Variants in EFNA5 observed in about 807,000 individuals in gnomAD.
EFNA5 encodes the protein ephrin-A5.
In EFNA5, 5 loss-of-function variants were observed where a neutral mutation model predicts 22.9. The observed-to-expected ratio is 0.22, with a 90% confidence interval of 0.11 to 0.46. The LOEUF (loss-of-function observed/expected upper bound fraction) is 0.46. Ranked by LOEUF, EFNA5 falls within the 20% of genes least tolerant of loss-of-function variation. The pLI, the probability that EFNA5 is intolerant of heterozygous loss-of-function variation, is 0.99. For synonymous variants in EFNA5, 113 were observed against 112.2 expected, an observed-to-expected ratio of 1.01 and a Z score of -0.04; for missense variants, 237 against 293.3, an observed-to-expected ratio of 0.81 and a Z score of 1.40.
chr5:107,506,728 C>T (rs1747260366), intron 1 of EFNA5, among the ~76,000 whole-genome samples: 1 of 152,160 alleles, frequency 6.6e-6, no homozygotes, highest in Admixed American at 6.5e-5. Context: ...GCAGGAAAAA[C>T]AGTTTTGGCT....
chr5:107,592,541 T>C (rs1749396296), intron 1 of EFNA5, among the ~76,000 whole-genome samples: 1 of 152,184 alleles, frequency 6.6e-6, no homozygotes, highest in African/African-American at 2.4e-5. Flanking sequence ...ACTTAAAAAC[T>C]GGTCTCGATG....
chr5:107,600,626 A>T (rs939435551), intron 1 of EFNA5, among the ~76,000 whole-genome samples: 1 of 151,988 alleles, frequency 6.6e-6, no homozygotes, highest in Non-Finnish European at 1.5e-5. Flanking sequence ...AGCTGGGATT[A>T]CAGGCATGCA....
intron 1 of EFNA5, among the ~76,000 whole-genome samples, chr5:107,565,693 G>T (rs538602668): frequency 2.0e-5 from 3 of 152,090 alleles, no homozygotes; most frequent in South Asian, 2.1e-4. Flanking sequence ...ACAAAAGCCT[G>T]CAAGAAAACT....
Position 107,660,613 on chromosome 5 carries a change from G to T in EFNA5, c.125+9876C>A, listed in dbSNP as rs1263976115. 4.6e-5 allele frequency among the ~76,000 whole-genome samples: 7 copies of T among 151,596 alleles called. No homozygotes were observed. The South Asian group carries it at 8.3e-4, about 18-fold the overall frequency. On this transcript the variant is annotated intron_variant, in intron 1 of 4. Coordinates refer to ENST00000333274, the MANE Select transcript of EFNA5 (RefSeq NM_001962.3). Reference sequence around the variant, plus strand: ...CATTTCAAATTTTGTTTTTTGCCTGGCTTTTCACAGACTTTAAAAAAATTA... The same window carrying T: ...CATTTCAAATTTTGTTTTTTGCCTGTCTTTTCACAGACTTTAAAAAAATTA...
chr5:107,407,230 T>C (rs902478619), intron 2 of EFNA5, among the ~76,000 whole-genome samples: 25 of 152,200 alleles, frequency 1.6e-4, no homozygotes, highest in Admixed American at 6.5e-5. Flanking sequence ...TGACCTTTTT[T>C]GCAGTAATGC....
At chr5:107,667,399 C>T (rs1388402134) in intron 1 of EFNA5, among the ~76,000 whole-genome samples, 1 of 148,690 alleles carries the variant, frequency 6.7e-6, no homozygotes, top group Non-Finnish European at 1.5e-5. Flanking sequence ...AATATTTTTT[C>T]CCGTGAAACT....
At chr5:107,523,455 G>C (rs1747635609) in intron 1 of EFNA5, among the ~76,000 whole-genome samples, 1 of 152,156 alleles carries the variant, frequency 6.6e-6, no homozygotes, top group African/African-American at 2.4e-5. Context: ...CACCCAAAAG[G>C]CTACATCAGA....
chr5:107,543,032 C>T (rs1561427410), intron 1 of EFNA5, among the ~76,000 whole-genome samples: 1 of 152,166 alleles, frequency 6.6e-6, no homozygotes, highest in Non-Finnish European at 1.5e-5. Context: ...ATTTACCGCA[C>T]TATTTACACT....
chr5:107,546,872 C>A (rs1310155089), intron 1 of EFNA5, among the ~76,000 whole-genome samples: 3 of 152,062 alleles, frequency 2.0e-5, no homozygotes, highest in Non-Finnish European at 2.9e-5. Context: ...CCAGGGAACA[C>A]TGGGTAAATT....
chr5:107,630,856 T>C lies in EFNA5; in HGVS notation c.125+39633A>G, dbSNP rs1245877890. ...CTATCAGCTTTTTCATGAAAATTTATTTTTTTACTTTTTAAACTTTTGTTA... is the reference window on the plus strand; with the variant it reads ...CTATCAGCTTTTTCATGAAAATTTACTTTTTTACTTTTTAAACTTTTGTTA... On this transcript the variant is annotated intron_variant, in intron 1 of 4. Coordinates refer to ENST00000333274, the MANE Select transcript of EFNA5 (RefSeq NM_001962.3). 8.5e-5 allele frequency among the ~76,000 whole-genome samples: 13 copies of C among 152,114 alleles called. 1 individual carries two copies. The highest frequency in any genetic ancestry group is 7.2e-4 in the Admixed American group (11 of 15,274).
intron 1 of EFNA5, among the ~76,000 whole-genome samples, chr5:107,471,274 C>T (rs1164860368): frequency 6.6e-6 from 1 of 152,168 alleles, no homozygotes; most frequent in East Asian, 1.9e-4. Context: ...CTCCTACCTT[C>T]AGGCCTCTGT....
chr5:107,503,915 C>T (rs183091869), intron 1 of EFNA5, among the ~76,000 whole-genome samples: 1 of 152,248 alleles, frequency 6.6e-6, no homozygotes, highest in East Asian at 1.9e-4. Flanking sequence ...ATTTGCAATG[C>T]AGAGCTTTTA....
At chr5:107,461,153 T>A (rs1749826153) in intron 1 of EFNA5, among the ~76,000 whole-genome samples, 1 of 151,982 alleles carries the variant, frequency 6.6e-6, no homozygotes, top group Non-Finnish European at 1.5e-5. Context: ...CTCTTCTAAT[T>A]CCCAGGTTCC....
At chr5:107,443,329 A>C (rs575391464) in intron 1 of EFNA5, among the ~76,000 whole-genome samples, 8 of 152,312 alleles carry the variant, frequency 5.3e-5, no homozygotes, top group Non-Finnish European at 8.8e-5. Context: ...GCAAAAGAGA[A>C]ATTTCTTGGG....
At chr5:107,487,241 G>T (rs867518912) in intron 1 of EFNA5, among the ~76,000 whole-genome samples, 1 of 151,882 alleles carries the variant, frequency 6.6e-6, no homozygotes, top group Admixed American at 6.6e-5. Flanking sequence ...TCTTCCCCCC[G>T]GGTGAACACC....
chr5:107,428,746 A>C (rs1478619145), intron 1 of EFNA5, among the ~76,000 whole-genome samples: 1 of 152,212 alleles, frequency 6.6e-6, no homozygotes, highest in Non-Finnish European at 1.5e-5. Context: ...AACACTTCCC[A>C]GTGGCAGTGA....
At chr5:107,424,074 T>C (rs1013689468) in intron 2 of EFNA5, among the ~76,000 whole-genome samples, 2 of 152,174 alleles carry the variant, frequency 1.3e-5, no homozygotes, top group Non-Finnish European at 2.9e-5. Flanking sequence ...TTGTCTTCCC[T>C]TCCTCCAAAT....
chr5:107,659,496 CTT>C lies in EFNA5; in HGVS notation c.125+10991_125+10992del, dbSNP rs550340874. ...AAAAGTTTGAGTTTTTTGGGTTTTC[CTT>C]TTTTTTTTTTTTTTTTTAGTTTCCT... On this transcript the variant is annotated intron_variant, in intron 1 of 4. Coordinates refer to ENST00000333274, the MANE Select transcript of EFNA5 (RefSeq NM_001962.3). Among the ~76,000 whole-genome samples the C allele has an allele frequency of 2.9e-3, 381 of 129,244 alleles. 2 individuals are homozygous for C. The highest frequency in any genetic ancestry group is 9.1e-3 in the African/African-American group (321 of 35,262). The allele number at this position is 129,244 out of a possible 152,430, so 84.8% of individuals were successfully genotyped here. A position where few individuals can be genotyped will look rare whatever the true frequency, so the allele number is the denominator to read the frequency against.
intron 1 of EFNA5, among the ~76,000 whole-genome samples, chr5:107,508,588 T>C (rs984667547): frequency 1.3e-5 from 2 of 152,226 alleles, no homozygotes; most frequent in Admixed American, 6.5e-5. Flanking sequence ...CTGGCTAGAA[T>C]TGAAATATCA....
Sources: allele counts gnomAD v4.1 joint callset (sites outside exome capture counted in the v4.1 genomes callset), GRCh38; gene constraint gnomAD v4.1.1; transcripts MANE v1.5; gene names NCBI Gene and HGNC (gene_info 2026-07-23, HGNC 2026-07-21).